Variants in AMZ2 observed in about 807,000 individuals in gnomAD.
The protein encoded by AMZ2 is archaelysin family metallopeptidase 2, also known as archaemetzincin-2.
A neutral mutation model predicts 36.7 loss-of-function variants in AMZ2; 26 were observed. The observed-to-expected ratio is 0.71, with a 90% CI of 0.52 to 0.98. The LOEUF (loss-of-function observed/expected upper bound fraction) is 0.98, where lower values mean the gene tolerates loss of function less well. AMZ2 is among the 50% of genes least tolerant of loss of function. The pLI is 0.00. For synonymous variants in AMZ2, 144 were observed against 149.1 expected (o/e 0.97, Z 0.25); for missense variants, 394 against 430.5 (o/e 0.92, Z 0.75).
intron 1 of AMZ2, among the ~76,000 whole-genome samples, chr17:68,240,025 A>G (rs1297034322): frequency 1.3e-5 from 2 of 152,232 alleles, no homozygotes; most frequent in Admixed American, 6.5e-5. Flanking sequence ...AGAAAATATG[A>G]TAAACTGGAT....
rs554458341 is a variant in AMZ2, at chr17:68,255,708, C to T, written c.759C>T (p.Thr253=). The T allele has an allele frequency of 2.1e-5, 34 of 1,613,722 alleles. 1 individual carries two copies. The highest frequency in any genetic ancestry group is 4.4e-5 in the South Asian group (4 of 91,056). ...ACATGATTGTCTTGCAGACTTTAACCCATGAGATCGGACACATATTTGGAC... is the reference window on the plus strand; with the variant it reads ...ACATGATTGTCTTGCAGACTTTAACTCATGAGATCGGACACATATTTGGAC... ...VLLLRSCKTL[T]HEIGHIFGLR... Residue 253 remains threonine, a synonymous_variant, in exon 6 of 7, where the codon ACC becomes ACT. Coordinates refer to ENST00000359904, the MANE Select transcript of AMZ2 (RefSeq NM_016627.5).
intron 4 of AMZ2, among the ~76,000 whole-genome samples, chr17:68,253,332 G>T (rs1453756369): frequency 1.3e-5 from 2 of 152,172 alleles, no homozygotes; most frequent in Non-Finnish European, 2.9e-5. Context: ...TCTACTATGG[G>T]TTTATTACTT....
At chr17:68,213,469 A>G (rs2073117148) in intron 1 of AMZ2, among the ~76,000 whole-genome samples, 1 of 152,242 alleles carries the variant, frequency 6.6e-6, no homozygotes, top group South Asian at 2.1e-4. Flanking sequence ...AATGAGTGTC[A>G]GAGCAGGGAA....
rs182096056 is a variant in AMZ2 at position 68,236,404 on chromosome 17, A to G, written c.-66-12236A>G. ...TCACTACAAAATAAATGTATTTTAT[A>G]TAGTAAGTATAGATTTACATAATTT... On this transcript the variant is annotated intron_variant, in intron 1 of 7. Transcript: ENST00000674770. Among the ~76,000 whole-genome samples the G allele has an allele frequency of 3.3e-5, 5 of 152,132 alleles. No homozygotes were observed. The East Asian group carries it at 5.8e-4, about 18-fold the overall frequency.
chr17:68,237,060 G>A (rs113797212), intron 1 of AMZ2, among the ~76,000 whole-genome samples: 39 of 152,278 alleles, frequency 2.6e-4, no homozygotes, highest in Non-Finnish European at 4.7e-4. Context: ...TATTGTGAGA[G>A]CATAACTTTA....
intron 1 of AMZ2, among the ~76,000 whole-genome samples, chr17:68,241,728 T>A (rs1310562126): frequency 2.0e-5 from 3 of 150,710 alleles, no homozygotes; most frequent in African/African-American, 7.3e-5. Context: ...TTATTATTAC[T>A]ATTATTATTA....
chr17:68,231,557 G>T lies in AMZ2; in HGVS notation c.-66-17083G>T, dbSNP rs181404203. Among the ~76,000 whole-genome samples, 2 of 103,776 alleles carry T rather than the reference G, an allele frequency of 1.9e-5. 1 individual carries two copies. Among genetic ancestry groups the T allele is most frequent in the African/African-American group, 9.8e-5 (2 of 20,392 alleles). 68.1% of individuals were successfully genotyped at this position (103,776 alleles called of 152,430 possible). On this transcript the variant is annotated intron_variant, in intron 1 of 7. Transcript: ENST00000674770. ...ATATAAACTTAAAGAGAATTTTTCT[G>T]CAAGTCTTCTCCCATTATATGCCCT... is the stretch of plus-strand genomic sequence containing the variant.
intron 1 of AMZ2, among the ~76,000 whole-genome samples, chr17:68,221,444 C>T (rs1405423311): frequency 1.3e-5 from 2 of 151,916 alleles, no homozygotes; most frequent in African/African-American, 2.4e-5. Flanking sequence ...GTAAGAAAGC[C>T]AGAGGCAGGG....
chr17:68,242,825 C>T (rs1332995843), intron 1 of AMZ2, among the ~76,000 whole-genome samples: 1 of 152,000 alleles, frequency 6.6e-6, no homozygotes, highest in Admixed American at 6.6e-5. Flanking sequence ...GTCTTGAGCC[C>T]AGGAGTTCAA....
intron 1 of AMZ2, among the ~76,000 whole-genome samples, chr17:68,233,260 G>A (rs78593635): frequency 0.16 from 24,122 of 152,178 alleles, 2,020 homozygotes; most frequent in East Asian, 0.3. Flanking sequence ...TGTAATCCCA[G>A]CACTTTGGGA....
chr17:68,224,651 A>G (rs1275710357), intron 1 of AMZ2, among the ~76,000 whole-genome samples: 1 of 150,490 alleles, frequency 6.6e-6, no homozygotes, highest in African/African-American at 2.5e-5. Flanking sequence ...GTAATCTTCC[A>G]GTCTCAGCCT....
intron 1 of AMZ2, among the ~76,000 whole-genome samples, chr17:68,237,925 A>G (rs547275538): frequency 6.6e-6 from 1 of 152,310 alleles, no homozygotes; most frequent in African/African-American, 2.4e-5. Flanking sequence ...GTATTTCTGT[A>G]TAGGTCACAA....
intron 1 of AMZ2, among the ~76,000 whole-genome samples, chr17:68,242,600 A>G (rs141104037): frequency 0.018 from 2,743 of 152,204 alleles, 36 homozygotes; most frequent in Non-Finnish European, 0.023. Context: ...TTTAGTAGAG[A>G]TGGGGTTTCA....
At chr17:68,230,952 T>C (rs2073646831) in intron 1 of AMZ2, among the ~76,000 whole-genome samples, 1 of 152,228 alleles carries the variant, frequency 6.6e-6, no homozygotes, top group Admixed American at 6.5e-5. Context: ...ATAAATTTAC[T>C]TTTCAGAAAT....
Position 68,256,967 on chromosome 17 carries a change from T to C in AMZ2, c.1081T>C (p.Ter361ArgextTer8), listed in dbSNP as rs2074957879. The change falls in exon 7 of 7, where the codon TGA becomes CGA. Residue 361 changes from the stop codon to arginine (R), a stop_lost. Transcript: ENST00000359904. ...AAAATGCCTGGCTGTTCTCCAAAAATGAGGACCTTCAAATAGGAGTGATTG... is the reference window on the plus strand; with the variant it reads ...AAAATGCCTGGCTGTTCTCCAAAAACGAGGACCTTCAAATAGGAGTGATTG... The part of the protein sequence containing the change: ...IIKCLAVLQK[*>R] The C allele has an allele frequency of 6.2e-7, 1 of 1,613,052 alleles. No homozygotes were observed. Among genetic ancestry groups the C allele is most frequent in the Non-Finnish European group, 8.5e-7 (1 of 1,179,726 alleles).
chr17:68,229,357 T>C (rs184689124), intron 1 of AMZ2, among the ~76,000 whole-genome samples: 2 of 152,244 alleles, frequency 1.3e-5, no homozygotes, highest in Non-Finnish European at 2.9e-5. Flanking sequence ...TCCAGAAACC[T>C]GGGGCCCTCA....
intron 1 of AMZ2, among the ~76,000 whole-genome samples, chr17:68,209,632 A>ATATATATATATATGTATATATATT: frequency 1.1e-5 from 1 of 90,700 alleles, no homozygotes; most frequent in Non-Finnish European, 2.0e-5. Context: ...ATATATATAT[A>ATATATATATATATGTATATATATT]TTTTTTTTTT....
At chr17:68,243,801 A>G (rs2073950827), upstream of AMZ2, among the ~76,000 whole-genome samples, 1 of 152,196 alleles carries the variant, frequency 6.6e-6, no homozygotes, top group Admixed American at 6.5e-5. Context: ...AAAAAGATCA[A>G]GGTTGGGGGG....
intron 4 of AMZ2, 193 bp downstream of exon 4, chr17:68,251,371 C>T (rs576932305): frequency 6.7e-5 from 37 of 550,280 alleles, no homozygotes; most frequent in African/African-American, 6.4e-4. Context: ...CCACTCACTA[C>T]CTACAGGACC....
Sources: gnomAD v4.1 joint callset for allele counts (sites outside exome capture counted in the v4.1 genomes callset) on GRCh38, gnomAD v4.1.1 for gene constraint, MANE v1.5 for transcripts, NCBI Gene and HGNC (gene_info 2026-07-23, HGNC 2026-07-21) for gene names.